The following DNAI7 variants were observed in gnomAD, a reference collection of about 807,000 sequenced individuals.
DNAI7 encodes the protein cancer susceptibility 1.
DNAI7 carries 78 observed loss-of-function variants against 86.6 expected under a neutral mutation model. The ratio of observed to expected loss-of-function variants is 0.90; its 90% CI spans 0.75 to 1.09. The LOEUF is 1.09. DNAI7 is among the 50% of genes least tolerant of loss of function. The probability of loss-of-function intolerance (pLI) is 0.00; values close to 1 mark genes in which losing one functional copy is unlikely to be tolerated. For synonymous variants in DNAI7, 274 were observed against 273.0 expected, an observed-to-expected ratio of 1.00 and a Z score of -0.04; for missense variants, 753 against 810.2, an observed-to-expected ratio of 0.93 and a Z score of 0.86.
intron 2 of DNAI7, among the ~76,000 whole-genome samples, chr12:25,166,393 T>C (rs1418553308): frequency 6.6e-6 from 1 of 152,130 alleles, no homozygotes; most frequent in Non-Finnish European, 1.5e-5. Context: ...GTTCTGGATC[T>C]CAAACATGCT....
At chr12:25,167,468 A>G (rs1038303602) in intron 2 of DNAI7, among the ~76,000 whole-genome samples, 1 of 151,980 alleles carries the variant, frequency 6.6e-6, no homozygotes, top group African/African-American at 2.4e-5. Flanking sequence ...CACTCTTATT[A>G]TCATTCCCAT....
rs1240014599 is a variant in DNAI7 at position 25,162,907 on chromosome 12, C to CATAATTTT, written c.22-1718_22-1711dup. On this transcript the variant is annotated intron_variant, in intron 2 of 15. Transcript: ENST00000395987. Reference sequence around the variant, plus strand: ...ACACACATGGGCTCAAATTTATCAACATAATTTTAAAATAGACTCCAGATT... The same window carrying CATAATTTT: ...ACACACATGGGCTCAAATTTATCAACATAATTTTATAATTTTAAAATAGACTCCAGATT... Among the ~76,000 whole-genome samples the CATAATTTT allele has an allele frequency of 2.6e-5, 4 of 152,268 alleles. No homozygotes were observed. In the East Asian group the frequency reaches 7.7e-4, roughly 29 times the overall value.
intron 15 of DNAI7, 70 bp downstream of exon 15, chr12:25,110,057 C>T: frequency 1.3e-6 from 1 of 757,226 alleles, no homozygotes; most frequent in Non-Finnish European, 2.3e-6. Context: ...GGTCTACATT[C>T]ATTTAGTCTT....
intron 12 of DNAI7, among the ~76,000 whole-genome samples, chr12:25,117,363 T>C (rs906794902): frequency 2.0e-5 from 3 of 152,228 alleles, no homozygotes; most frequent in Non-Finnish European, 4.4e-5. Flanking sequence ...TTTAAACTTC[T>C]TGGTATAAAT....
rs1205830560 is a variant in DNAI7, at chr12:25,130,317, CACA to C, written c.1003-7034_1003-7032del. Among the ~76,000 whole-genome samples, 4 of 151,548 alleles carry C rather than the reference CACA, an allele frequency of 2.6e-5. No individual in the cohort carries two copies. The East Asian group carries it at 7.8e-4, about 30-fold the overall frequency. The stretch of plus-strand genomic sequence containing the variant: ...CTTTGGGAGGCCAAGGCAGGCAGAG[CACA>C]AGGTCAGGAGATCGAGACCATCCTG... On this transcript the variant is annotated intron_variant, in intron 9 of 15. Transcript: ENST00000395987.
At chr12:25,173,163 C>T (rs933631099) in intron 2 of DNAI7, among the ~76,000 whole-genome samples, 39 of 152,120 alleles carry the variant, frequency 2.6e-4, no homozygotes, top group African/African-American at 8.4e-4. Context: ...AAACAGACAA[C>T]CCACAACGTG....
At chr12:25,110,350 G>C in intron 14 of DNAI7, 110 bp from the exon 15 acceptor site, 1 of 653,802 alleles carries the variant, frequency 1.5e-6, no homozygotes, top group Non-Finnish European at 2.7e-6. Flanking sequence ...ACTTAAAATT[G>C]TAAGTCAGAG....
intron 8 of DNAI7, 99 bp from the exon 9 acceptor site, chr12:25,144,776 T>G: frequency 1.0e-6 from 1 of 958,976 alleles, no homozygotes; most frequent in Non-Finnish European, 1.5e-6. Context: ...CACTTTAATT[T>G]TGCTCCAATT....
intron 2 of DNAI7, among the ~76,000 whole-genome samples, chr12:25,174,520 C>CATATATATGGGATATATATG (rs1441280609): frequency 1.7e-4 from 3 of 17,366 alleles, no homozygotes; most frequent in African/African-American, 1.3e-3. Flanking sequence ...ATATATATAT[C>CATATATATGGGATATATATG]ATATATATCA....
At chr12:25,176,213 C>T (rs1948942098) in intron 2 of DNAI7, among the ~76,000 whole-genome samples, 1 of 152,078 alleles carries the variant, frequency 6.6e-6, no homozygotes, top group Admixed American at 6.6e-5. Flanking sequence ...CGCCACTTCC[C>T]TCACAGAATC....
intron 9 of DNAI7, among the ~76,000 whole-genome samples, chr12:25,140,482 A>T (rs1457451098): frequency 6.6e-6 from 1 of 152,060 alleles, no homozygotes; most frequent in East Asian, 1.9e-4. Flanking sequence ...AATAAATAAA[A>T]TACTTAGGAA....
chr12:25,145,218 T>C (rs1944677367), intron 8 of DNAI7, among the ~76,000 whole-genome samples: 1 of 152,286 alleles, frequency 6.6e-6, no homozygotes, highest in South Asian at 2.1e-4. Context: ...TGAAGAACCA[T>C]TGGTCTATAT....
chr12:25,119,354 A>C, intron 11 of DNAI7, 53 bp from the exon 12 acceptor site: 1 of 1,198,142 alleles, frequency 8.3e-7, no homozygotes, highest in Non-Finnish European at 1.2e-6. Flanking sequence ...AGCAGTGAAA[A>C]ATGTAAATAG....
chr12:25,154,044 A>G (rs1945870766), intron 6 of DNAI7, among the ~76,000 whole-genome samples: 1 of 152,172 alleles, frequency 6.6e-6, no homozygotes, highest in Admixed American at 6.5e-5. Context: ...CACCCGAGTT[A>G]TCTACATGAA....
At chr12:25,190,728 G>C in intron 1 of DNAI7, 97 bp from the exon 2 acceptor site, 1 of 597,090 alleles carries the variant, frequency 1.7e-6, no homozygotes, top group African/African-American at 1.9e-5. Flanking sequence ...GAAGAAGCTT[G>C]GTAAAGGGCA....
rs1366824330 is a variant in DNAI7, at chr12:25,117,927, ATTTTC to A, written c.1396+1213_1396+1217del. 7.1e-5 allele frequency among the ~76,000 whole-genome samples: 8 copies of A among 112,344 alleles called. No individual in the cohort carries two copies. In the South Asian group the frequency reaches 2.2e-3, roughly 31 times the overall value. 73.7% of individuals were successfully genotyped at this position (112,344 alleles called of 152,430 possible). A position where few individuals can be genotyped will look rare whatever the true frequency, so the allele number is the denominator to read the frequency against. The stretch of plus-strand genomic sequence containing the variant: ...TTTTGATTTGCTAAACTATTTTGAT[ATTTTC>A]TTTTTCTTTTTTTTTTTTTTTTTGA... On this transcript the variant is annotated intron_variant, in intron 12 of 15. Coordinates refer to ENST00000395987, the MANE Select transcript of DNAI7 (RefSeq NM_018272.5).
At chr12:25,189,430 C>G (rs749039873) in intron 2 of DNAI7, among the ~76,000 whole-genome samples, 2 of 152,164 alleles carry the variant, frequency 1.3e-5, no homozygotes, top group Non-Finnish European at 2.9e-5. Flanking sequence ...CACTTGAGGT[C>G]AAGAGTTCGA....
At chr12:25,110,543 A>G (rs1312693148) in intron 14 of DNAI7, among the ~76,000 whole-genome samples, 1 of 151,998 alleles carries the variant, frequency 6.6e-6, no homozygotes, top group Non-Finnish European at 1.5e-5. Context: ...CATGGTTTCC[A>G]TGGTGTCCCT....
At chr12:25,142,433 TC>T (rs1190613377) in intron 9 of DNAI7, among the ~76,000 whole-genome samples, 1 of 151,600 alleles carries the variant, frequency 6.6e-6, no homozygotes, top group Non-Finnish European at 1.5e-5. Context: ...ATCTTAGAAA[TC>T]ACCACTAAAG....
Sources: allele counts gnomAD v4.1 joint callset (sites outside exome capture counted in the v4.1 genomes callset), GRCh38; gene constraint gnomAD v4.1.1; transcripts MANE v1.5; gene names NCBI Gene and HGNC (gene_info 2026-07-23, HGNC 2026-07-21).